The following MAGI2 variants were observed in gnomAD, a reference collection of about 807,000 sequenced individuals.
MAGI2 encodes the protein membrane associated guanylate kinase, WW and PDZ domain containing 2.
MAGI2 carries 35 observed loss-of-function variants against 133.3 expected under a neutral mutation model. The ratio of observed to expected loss-of-function variants is 0.26; its 90% CI spans 0.20 to 0.35. MAGI2 has a LOEUF of 0.35. Ranked by LOEUF, MAGI2 falls within the 10% of genes least tolerant of loss-of-function variation. MAGI2 has a pLI of 1.00. For missense variants in MAGI2, 1,636 were observed against 1,863.4 expected (o/e 0.88, Z 2.25); for synonymous variants, 729 against 710.6 (o/e 1.03, Z -0.41).
Position 78,135,072 on chromosome 7 carries a change from G to T in MAGI2, c.2980C>A (p.Leu994Ile), listed in dbSNP as rs752453125. ...INMPHADIVK[L>I]IKDAGLSVTL... ...ACACTAAGACCTGCATCCTTGATGA[G>T]CTTCACGATGTCAGCGTGAGGCATG... is the stretch of plus-strand genomic sequence containing the variant. The change falls in exon 17 of 22, where the codon CTC becomes ATC. Residue 994 changes from leucine (L) to isoleucine (I), a missense_variant. Physicochemically the swap from Leu to Ile is conservative, Grantham distance 5. Coordinates refer to ENST00000354212, the MANE Select transcript of MAGI2 (RefSeq NM_012301.4). 8.7e-6 allele frequency: 14 copies of T among 1,614,028 alleles called. No individual in the cohort carries two copies. Among genetic ancestry groups the T allele is most frequent in the Non-Finnish European group, 1.2e-5 (14 of 1,180,032 alleles).
At chr7:79,115,173 G>T (rs1367248523) in intron 1 of MAGI2, among the ~76,000 whole-genome samples, 1 of 152,128 alleles carries the variant, frequency 6.6e-6, no homozygotes, top group Non-Finnish European at 1.5e-5. Flanking sequence ...AGAATTCCTG[G>T]GCCAGAAAAC....
chr7:78,335,108 C>T (rs1789617354), intron 9 of MAGI2, among the ~76,000 whole-genome samples: 1 of 152,160 alleles, frequency 6.6e-6, no homozygotes. Context: ...ATCTGGTCTG[C>T]AAAACCTAAA....
At chr7:78,857,778 A>T (rs1793788453) in intron 2 of MAGI2, among the ~76,000 whole-genome samples, 1 of 152,198 alleles carries the variant, frequency 6.6e-6, no homozygotes. Flanking sequence ...AAAATGAGTT[A>T]GGGAGGATTC....
rs555245853 is a variant in MAGI2, at chr7:79,248,700, A to G, written c.301+204320T>C. 3.3e-4 allele frequency among the ~76,000 whole-genome samples: 51 copies of G among 152,242 alleles called. 1 individual carries two copies. The highest frequency in any genetic ancestry group is 1.2e-3 in the African/African-American group (49 of 41,558). ...TGACCAGAATAGAGTAAAACCAAAA[A>G]TCAATGACAAGAGGAATTTTGGAAA... On this transcript the variant is annotated intron_variant, in intron 1 of 21. Transcript: ENST00000354212.
At chr7:78,899,028 T>C (rs1797414383) in intron 2 of MAGI2, among the ~76,000 whole-genome samples, 1 of 152,138 alleles carries the variant, frequency 6.6e-6, no homozygotes, top group Non-Finnish European at 1.5e-5. Context: ...GGAAACACTA[T>C]TAATTAGGGG....
chr7:79,188,086 T>G (rs1827323356), intron 1 of MAGI2, among the ~76,000 whole-genome samples: 1 of 151,816 alleles, frequency 6.6e-6, no homozygotes, highest in South Asian at 2.1e-4. Flanking sequence ...TTGGGAAAAT[T>G]CTCTTTACCA....
intron 6 of MAGI2, among the ~76,000 whole-genome samples, chr7:78,397,632 A>T (rs940832308): frequency 6.6e-6 from 1 of 152,156 alleles, no homozygotes; most frequent in Non-Finnish European, 1.5e-5. Flanking sequence ...AGGAACTCAC[A>T]GAAACCTGAG....
At chr7:79,432,437 AG>A (rs1486852843) in intron 1 of MAGI2, among the ~76,000 whole-genome samples, 1 of 152,212 alleles carries the variant, frequency 6.6e-6, no homozygotes, top group East Asian at 1.9e-4. Context: ...CATGAGCCTG[AG>A]GAATGTTCAT....
chr7:78,851,374 T>C (rs577800873), intron 2 of MAGI2, among the ~76,000 whole-genome samples: 1 of 152,108 alleles, frequency 6.6e-6, no homozygotes, highest in African/African-American at 2.4e-5. Context: ...AGGGGCACAA[T>C]GTTCTTTGGA....
At chr7:78,748,145 T>C (rs933372784) in intron 2 of MAGI2, among the ~76,000 whole-genome samples, 1 of 118,864 alleles carries the variant, frequency 8.4e-6, no homozygotes, top group African/African-American at 3.3e-5. Context: ...AAAATACTTT[T>C]ACCTTGAGGA....
chr7:78,939,289 T>C (rs865990208), intron 2 of MAGI2, among the ~76,000 whole-genome samples: 20 of 152,286 alleles, frequency 1.3e-4, no homozygotes, highest in African/African-American at 4.8e-4. Context: ...CCACTGCGCC[T>C]GGCCATAATG....
At chr7:79,252,104 C>T (rs1348721183) in intron 1 of MAGI2, among the ~76,000 whole-genome samples, 1 of 141,836 alleles carries the variant, frequency 7.1e-6, no homozygotes, top group Non-Finnish European at 1.5e-5. Flanking sequence ...TTGCAGTGAG[C>T]CTAGATGGTG....
At chr7:78,774,343 G>A (rs1204768698) in intron 2 of MAGI2, among the ~76,000 whole-genome samples, 2 of 152,172 alleles carry the variant, frequency 1.3e-5, no homozygotes, top group Non-Finnish European at 2.9e-5. Context: ...CTCAAGTAAA[G>A]GAGTACTCGT....
At chr7:78,976,533 G>A (rs1371144642) in intron 2 of MAGI2, among the ~76,000 whole-genome samples, 1 of 151,236 alleles carries the variant, frequency 6.6e-6, no homozygotes, top group Non-Finnish European at 1.5e-5. Flanking sequence ...TTCCCTCTGA[G>A]ATTATCAACC....
chr7:79,030,567 G>A (rs1423586878), intron 1 of MAGI2, among the ~76,000 whole-genome samples: 1 of 152,186 alleles, frequency 6.6e-6, no homozygotes. Context: ...TAAGAAAGCA[G>A]ATGCAAACAT....
intron 16 of MAGI2, among the ~76,000 whole-genome samples, chr7:78,135,582 T>C (rs1288271980): frequency 6.6e-6 from 1 of 152,184 alleles, no homozygotes; most frequent in Non-Finnish European, 1.5e-5. Flanking sequence ...GATTCCAATA[T>C]ATATGAGTGT....
At chr7:78,392,833 G>C (rs893772773) in intron 6 of MAGI2, among the ~76,000 whole-genome samples, 144 of 152,108 alleles carry the variant, frequency 9.5e-4, no homozygotes, top group Non-Finnish European at 1.3e-3. Flanking sequence ...AGTAGAGATG[G>C]GGTTTCTCCA....
chr7:78,572,378 C>T (rs1362531458), intron 3 of MAGI2, among the ~76,000 whole-genome samples: 2 of 152,150 alleles, frequency 1.3e-5, no homozygotes, highest in Middle Eastern at 3.4e-3. Flanking sequence ...CATCCTTGGT[C>T]AAGTAGGTAA....
At chr7:79,118,260 G>A (rs1819578194) in intron 1 of MAGI2, among the ~76,000 whole-genome samples, 2 of 152,098 alleles carry the variant, frequency 1.3e-5, no homozygotes, top group Non-Finnish European at 2.9e-5. Context: ...GCTACTATTT[G>A]GGTGTACACT....
Sources: gnomAD v4.1 joint callset for allele counts (sites outside exome capture counted in the v4.1 genomes callset) on GRCh38, gnomAD v4.1.1 for gene constraint, MANE v1.5 for transcripts, NCBI Gene and HGNC (gene_info 2026-07-23, HGNC 2026-07-21) for gene names.